PRKN: variants seen among roughly 807,000 people sequenced by gnomAD.
PRKN encodes E3 ubiquitin-protein ligase parkin.
In PRKN, 56 loss-of-function variants were observed where a neutral mutation model predicts 59.5. The ratio of observed to expected loss-of-function variants is 0.94; its 90% CI spans 0.76 to 1.18. The LOEUF (loss-of-function observed/expected upper bound fraction) is 1.18, where lower values mean the gene tolerates loss of function less well. Ranked by LOEUF, PRKN falls within the 50% of genes most tolerant of loss-of-function variation. The probability of loss-of-function intolerance (pLI) is 0.00; values close to 1 mark genes in which losing one functional copy is unlikely to be tolerated. For synonymous variants in PRKN, 250 were observed against 222.1 expected, an observed-to-expected ratio of 1.13 and a Z score of -1.12; for missense variants, 657 against 596.4, an observed-to-expected ratio of 1.10 and a Z score of -1.06.
chr6:162,422,954 CAAAAAAAAAAAA>C (rs61557917), intron 2 of PRKN, among the ~76,000 whole-genome samples: 1 of 65,702 alleles, frequency 1.5e-5, no homozygotes, highest in Non-Finnish European at 2.8e-5. Context: ...TCCAAGAGAC[CAAAAAAAAAAAA>C]AAAAAAAAAA....
At chr6:161,807,735 C>T (rs1214566935) in intron 6 of PRKN, among the ~76,000 whole-genome samples, 1 of 152,196 alleles carries the variant, frequency 6.6e-6, no homozygotes, top group African/African-American at 2.4e-5. Flanking sequence ...CTCTCCTCCC[C>T]TTGTCTCTCG....
intron 5 of PRKN, among the ~76,000 whole-genome samples, chr6:161,977,542 G>T (rs1784584): frequency 0.68 from 70,807 of 103,420 alleles, 20,737 homozygotes; most frequent in East Asian, 0.73. Context: ...TGTTTTTTTG[G>T]TTTTTTTTTT....
chr6:161,501,136 C>T (rs756262112), intron 9 of PRKN, among the ~76,000 whole-genome samples: 1 of 152,078 alleles, frequency 6.6e-6, no homozygotes, highest in Non-Finnish European at 1.5e-5. Flanking sequence ...ACCTCCCAAG[C>T]GCTGGGATTA....
At chr6:161,970,399 CTATA>C (rs57166297) in intron 6 of PRKN, among the ~76,000 whole-genome samples, 25,650 of 146,268 alleles carry the variant, frequency 0.18, 2,272 homozygotes, top group Middle Eastern at 0.24. Context: ...TGATACGAAA[CTATA>C]TATATATATA....
At chr6:162,183,663 T>C (rs916972345) in intron 4 of PRKN, among the ~76,000 whole-genome samples, 1 of 152,210 alleles carries the variant, frequency 6.6e-6, no homozygotes, top group African/African-American at 2.4e-5. Context: ...ACCTTGGTCC[T>C]AGTCCCAGAT....
At chr6:162,090,299 C>A (rs1779428365) in intron 4 of PRKN, among the ~76,000 whole-genome samples, 2 of 152,164 alleles carry the variant, frequency 1.3e-5, no homozygotes, top group African/African-American at 4.8e-5. Context: ...ATTTTAGACA[C>A]AAGTAACATA....
chr6:161,968,233 TC>T (rs1780659654), intron 6 of PRKN, among the ~76,000 whole-genome samples: 1 of 146,384 alleles, frequency 6.8e-6, no homozygotes, highest in African/African-American at 2.6e-5. Context: ...AGATGGGATT[TC>T]CCCATGTTGG....
intron 2 of PRKN, among the ~76,000 whole-genome samples, chr6:162,325,772 T>C (rs896124127): frequency 6.6e-6 from 1 of 152,212 alleles, no homozygotes; most frequent in African/African-American, 2.4e-5. Flanking sequence ...ATTTTGCAAG[T>C]TTTATGCCCT....
At chr6:161,652,857 G>A (rs1282694457) in intron 7 of PRKN, among the ~76,000 whole-genome samples, 3 of 152,198 alleles carry the variant, frequency 2.0e-5, no homozygotes, top group Non-Finnish European at 4.4e-5. Flanking sequence ...CCCAGGTGAT[G>A]TAAAGTTATA....
chr6:161,977,129 T>C (rs1781062688), intron 5 of PRKN, among the ~76,000 whole-genome samples: 1 of 152,224 alleles, frequency 6.6e-6, no homozygotes, highest in African/African-American at 2.4e-5. Context: ...CTAGAATAAC[T>C]GGCAAGAACT....
intron 2 of PRKN, among the ~76,000 whole-genome samples, chr6:162,304,534 TCTA>T (rs1300728230): frequency 0.021 from 2,910 of 141,412 alleles, 176 homozygotes; most frequent in African/African-American, 0.066. Context: ...TATCTATCTA[TCTA>T]TCTATCTATT....
intron 6 of PRKN, among the ~76,000 whole-genome samples, chr6:161,891,280 C>T (rs939230147): frequency 7.2e-5 from 11 of 152,140 alleles, no homozygotes; most frequent in African/African-American, 2.7e-4. Flanking sequence ...TTCATGGGCG[C>T]CCCGAGGAAA....
At chr6:162,306,051 T>G (rs1782206519) in intron 2 of PRKN, among the ~76,000 whole-genome samples, 1 of 152,218 alleles carries the variant, frequency 6.6e-6, no homozygotes, top group South Asian at 2.1e-4. Context: ...TATTACACAA[T>G]TGGGTTATTT....
At chr6:161,450,803 C>A (rs1303754746) in intron 9 of PRKN, among the ~76,000 whole-genome samples, 1 of 152,196 alleles carries the variant, frequency 6.6e-6, no homozygotes, top group Non-Finnish European at 1.5e-5. Context: ...GATCTGCCCA[C>A]CCTGGCCTCC....
At chr6:162,396,217 T>C (rs1787468992) in intron 2 of PRKN, among the ~76,000 whole-genome samples, 1 of 152,156 alleles carries the variant, frequency 6.6e-6, no homozygotes, top group East Asian at 1.9e-4. Flanking sequence ...GTAGGAGTTT[T>C]AGAATGTTTT....
intron 6 of PRKN, among the ~76,000 whole-genome samples, chr6:161,847,413 C>G (rs1793245299): frequency 1.3e-5 from 2 of 152,132 alleles, no homozygotes; most frequent in African/African-American, 4.8e-5. Context: ...AGAAGAAATG[C>G]AACTTTGTCC....
intron 5 of PRKN, among the ~76,000 whole-genome samples, chr6:162,017,015 G>A (rs142226337): frequency 3.2e-4 from 49 of 152,148 alleles, no homozygotes; most frequent in Non-Finnish European, 5.3e-4. Flanking sequence ...CCTCTCTCCC[G>A]GGCCTGCTCA....
At chr6:162,449,118 C>T (rs1351925925) in intron 1 of PRKN, among the ~76,000 whole-genome samples, 1 of 152,142 alleles carries the variant, frequency 6.6e-6, no homozygotes, top group South Asian at 2.1e-4. Context: ...AACTCCTGAC[C>T]TCAGGTGATC....
At chr6:161,784,597 G>T (rs972379685) in intron 7 of PRKN, among the ~76,000 whole-genome samples, 1 of 152,136 alleles carries the variant, frequency 6.6e-6, no homozygotes, top group African/African-American at 2.4e-5. Flanking sequence ...CACTTACTAG[G>T]ATGACTAGTT....
Sources: allele counts gnomAD v4.1 joint callset (sites outside exome capture counted in the v4.1 genomes callset), GRCh38; gene constraint gnomAD v4.1.1; transcripts MANE v1.5; gene names NCBI Gene and HGNC (gene_info 2026-07-23, HGNC 2026-07-21).